The following USP37 variants were observed in gnomAD, a reference collection of about 807,000 sequenced individuals.
The protein encoded by USP37 is ubiquitin carboxyl-terminal hydrolase 37.
Under a neutral mutation model 124.0 loss-of-function variants are expected in USP37, and 27 were observed. That is an observed-to-expected ratio of 0.22 (90% CI 0.16 to 0.30). The LOEUF is 0.30. Ranked by LOEUF, USP37 falls within the 10% of genes least tolerant of loss-of-function variation. USP37 has a pLI of 1.00. For synonymous variants in USP37, 365 were observed against 388.0 expected (o/e 0.94, Z 0.70); for missense variants, 889 against 1,140.4 (o/e 0.78, Z 3.17).
Position 218,453,728 on chromosome 2 carries a change from C to G in USP37, c.*1202G>C, listed in dbSNP as rs376742070. On this transcript the variant is annotated 3_prime_UTR_variant, in exon 26 of 26. Coordinates refer to ENST00000258399, the MANE Select transcript of USP37 (RefSeq NM_020935.3). ...AAAAGTAGATAAATAAATTATGCAC[C>G]TTTGTTATTTGTTAGTTTTTGGGAT... The G allele has an allele frequency of 6.6e-6, 1 of 152,190 alleles. No homozygotes were observed. 9.4% of individuals were successfully genotyped at this position (152,190 alleles called of 1,614,324 possible). A position where few individuals can be genotyped will look rare whatever the true frequency, so the allele number is the denominator to read the frequency against.
At chr2:218,540,327 CAG>C (rs2106035974) in intron 8 of USP37, among the ~76,000 whole-genome samples, 1 of 152,234 alleles carries the variant, frequency 6.6e-6, no homozygotes, top group African/African-American at 2.4e-5. Context: ...CTACTCAAAA[CAG>C]TGCACCATTT....
intron 14 of USP37, among the ~76,000 whole-genome samples, chr2:218,495,289 G>A (rs751616508): frequency 6.6e-6 from 1 of 152,052 alleles, no homozygotes; most frequent in African/African-American, 2.4e-5. Context: ...TTATAGGTGT[G>A]CATCACCACA....
At chr2:218,477,637 A>G (rs1006556576) in intron 18 of USP37, among the ~76,000 whole-genome samples, 1 of 152,224 alleles carries the variant, frequency 6.6e-6, no homozygotes, top group Admixed American at 6.5e-5. Context: ...AAGTCATTTA[A>G]TGTAAAAGCA....
At chr2:218,526,764 T>TA (rs1690988375) in intron 10 of USP37, among the ~76,000 whole-genome samples, 1 of 150,850 alleles carries the variant, frequency 6.6e-6, no homozygotes, top group South Asian at 2.1e-4. Flanking sequence ...AAGACCAACG[T>TA]AAGTTTCTTC....
At chr2:218,543,684 C>A (rs1035252802) in intron 8 of USP37, among the ~76,000 whole-genome samples, 2 of 150,918 alleles carry the variant, frequency 1.3e-5, no homozygotes, top group Non-Finnish European at 3.0e-5. Context: ...GGTGTGGTGG[C>A]GGGTGCCTGT....
chr2:218,547,206 T>C (rs1015682112), intron 6 of USP37, 115 bp from the exon 7 acceptor site: 17 of 1,127,456 alleles, frequency 1.5e-5, no homozygotes, highest in Non-Finnish European at 2.1e-5. Context: ...GTGCGATGGC[T>C]CATGCCTGTA....
chr2:218,493,197 A>AG (rs1284191135), intron 14 of USP37, among the ~76,000 whole-genome samples: 1 of 152,154 alleles, frequency 6.6e-6, no homozygotes, highest in East Asian at 1.9e-4. Flanking sequence ...TACAATCCAA[A>AG]GGGTAATGTG....
chr2:218,495,440 C>A (rs551847040), intron 14 of USP37, among the ~76,000 whole-genome samples: 1 of 152,152 alleles, frequency 6.6e-6, no homozygotes, highest in Admixed American at 6.5e-5. Flanking sequence ...CTGTGCCCAG[C>A]CCAAGCATTT....
chr2:218,469,692 T>G (rs980953205), intron 20 of USP37, among the ~76,000 whole-genome samples: 16 of 151,980 alleles, frequency 1.1e-4, no homozygotes, highest in African/African-American at 3.1e-4. Context: ...CAGGATAAGA[T>G]TATCAGACAG....
At chr2:218,498,736 A>AAAAT (rs1160711214) in intron 11 of USP37, among the ~76,000 whole-genome samples, 8 of 152,270 alleles carry the variant, frequency 5.3e-5, no homozygotes, top group Non-Finnish European at 8.8e-5. Context: ...CAAAATAAAT[A>AAAAT]AAATAAATAA....
intron 16 of USP37, among the ~76,000 whole-genome samples, chr2:218,485,324 T>G (rs1395057237): frequency 6.6e-6 from 1 of 152,054 alleles, no homozygotes; most frequent in African/African-American, 2.4e-5. Context: ...AAATATATAT[T>G]TCTTTCTTTT....
At chr2:218,552,320 G>T (rs1692712441) in intron 5 of USP37, among the ~76,000 whole-genome samples, 1 of 152,132 alleles carries the variant, frequency 6.6e-6, no homozygotes, top group Non-Finnish European at 1.5e-5. Context: ...AAGTAAGTTT[G>T]TCAACTACAA....
At chr2:218,484,398 G>C (rs1691434406) in intron 16 of USP37, among the ~76,000 whole-genome samples, 1 of 151,230 alleles carries the variant, frequency 6.6e-6, no homozygotes, top group Non-Finnish European at 1.5e-5. Flanking sequence ...AAGGCAGGTG[G>C]ATCACCTGAG....
intron 14 of USP37, among the ~76,000 whole-genome samples, chr2:218,493,054 T>C (rs1688879665): frequency 6.6e-6 from 1 of 152,066 alleles, no homozygotes; most frequent in Admixed American, 6.6e-5. Flanking sequence ...ATATTATTAA[T>C]ACACTGAATT....
chr2:218,451,237 C>G lies in USP37; in HGVS notation c.*3693G>C, dbSNP rs186692529. 13 of 152,226 alleles carry G rather than the reference C, an allele frequency of 8.5e-5. No homozygotes were observed. The East Asian group carries it at 2.5e-3, about 29-fold the overall frequency. 9.4% of individuals were successfully genotyped at this position (152,226 alleles called of 1,614,324 possible). A position where few individuals can be genotyped will look rare whatever the true frequency, so the allele number is the denominator to read the frequency against. On this transcript the variant is annotated 3_prime_UTR_variant, in exon 26 of 26. Transcript: ENST00000258399. Reference sequence around the variant, plus strand: ...AATGGGGAGGAAAAAGACATCCATCCATTTTATTGGAACACTTTTATGTGA... The same window carrying G: ...AATGGGGAGGAAAAAGACATCCATCGATTTTATTGGAACACTTTTATGTGA...
intron 14 of USP37, among the ~76,000 whole-genome samples, chr2:218,491,730 CG>C (rs1413823643): frequency 6.6e-6 from 1 of 151,974 alleles, no homozygotes; most frequent in Non-Finnish European, 1.5e-5. Flanking sequence ...ACAATGAAAT[CG>C]ACACTAGTAA....
In USP37 at chr2:218,482,157, A is replaced by G; in HGVS notation, c.1748T>C (p.Ile583Thr). 1 of 1,614,018 alleles carries G rather than the reference A, an allele frequency of 6.2e-7. No homozygotes were observed. Among genetic ancestry groups the G allele is most frequent in the South Asian group, 1.1e-5 (1 of 91,072 alleles). Residue 583 changes from isoleucine (I) to threonine (T), a missense_variant, in exon 17 of 26, where the codon ATC (isoleucine) becomes ACC (threonine). Ile to Thr is a moderately conservative substitution (Grantham distance 89). This residue lies in a region of USP37 where 504 missense variants were observed against 714.3 expected (regional missense o/e 0.71). Transcript: ENST00000258399. The part of the protein sequence containing the change: ...SLNNKIGQQV[I>T]IPRYLTLSSH... Reference sequence around the variant, plus strand: ...TGACAGGGTCAGGTATCTTGGAATGATGACTTGCTGCCCAATCTTATTGTT... The same window carrying G: ...TGACAGGGTCAGGTATCTTGGAATGGTGACTTGCTGCCCAATCTTATTGTT...
At chr2:218,566,606 T>C (rs1693609367) in intron 1 of USP37, among the ~76,000 whole-genome samples, 1 of 152,212 alleles carries the variant, frequency 6.6e-6, no homozygotes, top group Non-Finnish European at 1.5e-5. Flanking sequence ...TAACAATTAA[T>C]GCTTACTGGC....
intron 10 of USP37, among the ~76,000 whole-genome samples, chr2:218,520,112 AT>A (rs1305803136): frequency 3.3e-5 from 5 of 150,606 alleles, no homozygotes; most frequent in Admixed American, 3.3e-4. Context: ...TAATTTTTGT[AT>A]TTTTAGTAAA....
Sources: allele counts gnomAD v4.1 joint callset (sites outside exome capture counted in the v4.1 genomes callset), GRCh38; gene constraint gnomAD v4.1.1; regional missense constraint gnomAD v4.1.1; transcripts MANE v1.5; gene names NCBI Gene and HGNC (gene_info 2026-07-23, HGNC 2026-07-21).